ROBO2: variants seen among roughly 807,000 people sequenced by gnomAD.
ROBO2 encodes the protein roundabout guidance receptor 2.
ROBO2 carries 53 observed loss-of-function variants against 160.8 expected under a neutral mutation model. The ratio of observed to expected loss-of-function variants is 0.33; its 90% CI spans 0.26 to 0.41. The LOEUF is 0.41. Among genes scored for constraint, ROBO2 ranks in the 10% least tolerant of loss-of-function variants. ROBO2 has a pLI of 1.00. For missense variants in ROBO2, 1,577 were observed against 1,722.4 expected, an observed-to-expected ratio of 0.92 and a Z score of 1.49; for synonymous variants, 664 against 611.7, an observed-to-expected ratio of 1.09 and a Z score of -1.26.
intron 2 of ROBO2, among the ~76,000 whole-genome samples, chr3:76,470,652 ATAT>A (rs1436808424): frequency 1.3e-5 from 2 of 152,152 alleles, no homozygotes; most frequent in Non-Finnish European, 2.9e-5. Flanking sequence ...TAAAAGGAAC[ATAT>A]TATAACTTTC....
At chr3:76,558,778 C>T (rs189127817) in intron 2 of ROBO2, among the ~76,000 whole-genome samples, 356 of 152,186 alleles carry the variant, frequency 2.3e-3, no homozygotes, top group Middle Eastern at 6.8e-3. Flanking sequence ...GTTAGTATTA[C>T]ATAGATATAG....
intron 2 of ROBO2, among the ~76,000 whole-genome samples, chr3:76,207,624 T>C (rs1702892693): frequency 2.0e-5 from 3 of 152,122 alleles, no homozygotes; most frequent in South Asian, 2.1e-4. Flanking sequence ...ACTGGGAAAA[T>C]AGATGGATTA....
intron 2 of ROBO2, among the ~76,000 whole-genome samples, chr3:76,067,257 A>C (rs978132101): frequency 2.6e-5 from 4 of 152,238 alleles, no homozygotes; most frequent in Non-Finnish European, 5.9e-5. Flanking sequence ...AACACAGCTC[A>C]CATCTGTTGT....
At chr3:76,746,852 G>T (rs1212151711) in intron 2 of ROBO2, among the ~76,000 whole-genome samples, 1 of 152,132 alleles carries the variant, frequency 6.6e-6, no homozygotes, top group South Asian at 2.1e-4. Flanking sequence ...TACGCTCCCT[G>T]TGTCCATATG....
intron 2 of ROBO2, among the ~76,000 whole-genome samples, chr3:76,523,801 T>C (rs1172185729): frequency 6.6e-6 from 1 of 152,096 alleles, no homozygotes; most frequent in Non-Finnish European, 1.5e-5. Flanking sequence ...AATGCTATAG[T>C]TATTAGGGAA....
rs554105623 is a variant in ROBO2, at chr3:77,110,570, A to C, written c.388+12230A>C. On this transcript the variant is annotated intron_variant, in intron 2 of 25. Transcript: ENST00000461745. ...ATATAAATGAACAGAACCTTGACTT[A>C]AACCTTACAAATTATGCAAAAATTA... is the stretch of plus-strand genomic sequence containing the variant. 2.6e-5 allele frequency among the ~76,000 whole-genome samples: 4 copies of C among 151,456 alleles called. No homozygotes were observed. In the East Asian group the frequency reaches 7.7e-4, roughly 29 times the overall value.
chr3:76,457,471 G>A (rs900333571), intron 2 of ROBO2, among the ~76,000 whole-genome samples: 1 of 152,132 alleles, frequency 6.6e-6, no homozygotes, highest in Non-Finnish European at 1.5e-5. Context: ...GGCTTTGCAG[G>A]GTGCAGCCTC....
intron 2 of ROBO2, among the ~76,000 whole-genome samples, chr3:76,096,177 A>G (rs1029147322): frequency 6.6e-6 from 1 of 152,102 alleles, no homozygotes; most frequent in Non-Finnish European, 1.5e-5. Context: ...ATCTTCCATC[A>G]CAGACCTCGA....
intron 2 of ROBO2, among the ~76,000 whole-genome samples, chr3:76,687,097 C>T (rs1348345694): frequency 5.9e-5 from 9 of 151,944 alleles, no homozygotes; most frequent in South Asian, 2.1e-4. Flanking sequence ...TTAAATGTTG[C>T]GATACCTATT....
intron 2 of ROBO2, among the ~76,000 whole-genome samples, chr3:77,455,726 G>A (rs537175134): frequency 1.4e-3 from 195 of 137,392 alleles, no homozygotes; most frequent in African/African-American, 5.0e-3. Flanking sequence ...CACCGCGCCC[G>A]GCCTTATACT....
chr3:76,506,798 TC>T (rs2080822224), intron 2 of ROBO2, among the ~76,000 whole-genome samples: 1 of 152,120 alleles, frequency 6.6e-6, no homozygotes, highest in African/African-American at 2.4e-5. Flanking sequence ...GGAGGAGTGA[TC>T]CCTGATTCAT....
At chr3:76,329,631 C>A (rs903246048) in intron 2 of ROBO2, among the ~76,000 whole-genome samples, 3 of 152,222 alleles carry the variant, frequency 2.0e-5, no homozygotes, top group Non-Finnish European at 2.9e-5. Flanking sequence ...GGTGCAGTAA[C>A]AGTTCAGAGT....
At chr3:76,892,369 G>A (rs2074414964) in intron 2 of ROBO2, among the ~76,000 whole-genome samples, 1 of 151,994 alleles carries the variant, frequency 6.6e-6, no homozygotes. Flanking sequence ...CACCAATTTC[G>A]ACCTGTCATC....
intron 2 of ROBO2, among the ~76,000 whole-genome samples, chr3:76,061,939 C>G (rs2068083080): frequency 6.6e-6 from 1 of 152,164 alleles, no homozygotes; most frequent in Admixed American, 6.6e-5. Context: ...ATTGTTCTCT[C>G]TGTTTCTTTC....
intron 2 of ROBO2, among the ~76,000 whole-genome samples, chr3:76,157,299 G>A (rs2072444667): frequency 6.6e-6 from 1 of 152,084 alleles, no homozygotes; most frequent in Non-Finnish European, 1.5e-5. Flanking sequence ...TGTCTATAGA[G>A]AGCTTTTTTT....
At chr3:76,550,343 AAAGTAGTC>A (rs60099710) in intron 2 of ROBO2, among the ~76,000 whole-genome samples, 73,169 of 151,490 alleles carry the variant, frequency 0.48, 19,772 homozygotes, top group Non-Finnish European at 0.59. Context: ...GTAGCCAATA[AAAGTAGTC>A]AGCCCTCTGT....
chr3:76,416,292 C>G (rs2108881324), intron 2 of ROBO2, among the ~76,000 whole-genome samples: 1 of 152,112 alleles, frequency 6.6e-6, no homozygotes, highest in East Asian at 1.9e-4. Context: ...AGTTTTGTGT[C>G]TTTTGAGTCA....
In ROBO2 at chr3:76,873,706, C is replaced by T. The variant is rs181087804; in HGVS notation, c.110-224308C>T. 2.8e-3 allele frequency among the ~76,000 whole-genome samples: 419 copies of T among 152,284 alleles called. 2 individuals carry two copies. Among genetic ancestry groups the T allele is most frequent in the African/African-American group, 9.4e-3 (390 of 41,566 alleles). On this transcript the variant is annotated intron_variant, in intron 2 of 26. Transcript: ENST00000487694. ...TCAGCCTCCCAAGTAGCTGGGATTG[C>T]AGGCACTCTCTAACCTGCCCAGCAA...
chr3:76,001,263 G>C (rs747708608), intron 2 of ROBO2, among the ~76,000 whole-genome samples: 1 of 151,706 alleles, frequency 6.6e-6, no homozygotes, highest in African/African-American at 2.4e-5. Flanking sequence ...ATCTCTTCCC[G>C]TTTTTATGTT....
Sources: gnomAD v4.1 joint callset for allele counts (sites outside exome capture counted in the v4.1 genomes callset) on GRCh38, gnomAD v4.1.1 for gene constraint, MANE v1.5 for transcripts, NCBI Gene and HGNC (gene_info 2026-07-23, HGNC 2026-07-21) for gene names.